FNTB: variants seen among roughly 807,000 people sequenced by gnomAD.
The protein encoded by FNTB is farnesyltransferase, CAAX box, subunit beta.
A neutral mutation model predicts 59.4 loss-of-function variants in FNTB; 27 were observed. The observed-to-expected ratio is 0.45, with a 90% confidence interval of 0.34 to 0.63. The LOEUF (loss-of-function observed/expected upper bound fraction) is 0.63. FNTB is among the 20% of genes least tolerant of loss of function. The pLI is 0.02. For synonymous variants in FNTB, 230 were observed against 220.7 expected, an observed-to-expected ratio of 1.04 and a Z score of -0.37; for missense variants, 449 against 559.6, an observed-to-expected ratio of 0.80 and a Z score of 1.99.
intron 11 of FNTB, among the ~76,000 whole-genome samples, chr14:65,055,539 CAA>C (rs1192148030): frequency 6.6e-6 from 1 of 151,114 alleles, no homozygotes; most frequent in East Asian, 1.9e-4. Flanking sequence ...TTTTGTGAGA[CAA>C]AGTCTCACTC....
rs1349608495 is a variant in FNTB, at chr14:65,032,965, T to C, written c.692+269T>C. Among the ~76,000 whole-genome samples the C allele has an allele frequency of 2.0e-5, 3 of 152,232 alleles. No individual in the cohort carries two copies. The highest frequency in any genetic ancestry group is 4.4e-5 in the Non-Finnish European group (3 of 68,040). On this transcript the variant is annotated intron_variant, in intron 7 of 11. Coordinates refer to ENST00000246166, the MANE Select transcript of FNTB (RefSeq NM_002028.4). The surrounding 1 kb of genome is among the most constrained non-coding windows in gnomAD (Gnocchi z 5.0). ...AGCCTGAATTGATTTAACCAGTTTT[T>C]AGAGCAATTTGACAGTATGTCAAAG...
intron 2 of FNTB, among the ~76,000 whole-genome samples, chr14:65,010,673 A>T (rs2061668617): frequency 6.6e-6 from 1 of 152,114 alleles, no homozygotes; most frequent in Non-Finnish European, 1.5e-5. Context: ...CTCATCTCAA[A>T]AACCTTCAGG....
At position 64,994,853 on chromosome 14, in the gene FNTB, A is replaced by G. The variant is rs1735323589; in HGVS notation, c.144+7756A>G. 6.6e-6 allele frequency among the ~76,000 whole-genome samples: 1 copy of G among 152,198 alleles called. No homozygotes were observed. Among genetic ancestry groups the G allele is most frequent in the Non-Finnish European group, 1.5e-5 (1 of 68,050 alleles). ...AAACACGGTATGCTTAAGCTACACT[A>G]AATTTATTCATACGCTTTTTTCTTT... On this transcript the variant is annotated intron_variant, in intron 1 of 11. Transcript: ENST00000246166. This position sits in a 1 kb window ranked among gnomAD's most constrained non-coding sequence, Gnocchi z 4.2.
intron 4 of FNTB, among the ~76,000 whole-genome samples, chr14:65,026,232 A>G (rs891434573): frequency 2.6e-5 from 4 of 152,230 alleles, no homozygotes; most frequent in Non-Finnish European, 5.9e-5. Flanking sequence ...AAACAGCTTG[A>G]TAACCAGGGC....
At chr14:65,006,524 C>A (rs886546221) in intron 2 of FNTB, among the ~76,000 whole-genome samples, 1 of 152,154 alleles carries the variant, frequency 6.6e-6, no homozygotes. Flanking sequence ...CAAGCTGGTT[C>A]AAGCTTAGCC....
chr14:64,995,705 A>G (rs1033162042), intron 1 of FNTB, among the ~76,000 whole-genome samples: 4 of 150,168 alleles, frequency 2.7e-5, no homozygotes, highest in Non-Finnish European at 5.9e-5. Flanking sequence ...ATATATGTGT[A>G]TATTATATAT....
Position 65,012,248 on chromosome 14 carries a change from G to A in FNTB, c.210-69G>A, listed in dbSNP as rs117536414. 3.5e-3 allele frequency: 5,572 copies of A among 1,577,288 alleles called. 95 individuals are homozygous for A. In the East Asian group the frequency reaches 0.045, roughly 13 times the overall value. On this transcript the variant is annotated intron_variant, in intron 2 of 11. Coordinates refer to ENST00000246166, the MANE Select transcript of FNTB (RefSeq NM_002028.4). The surrounding 1 kb of genome is among the most constrained non-coding windows in gnomAD (Gnocchi z 5.0). The stretch of plus-strand genomic sequence containing the variant: ...TGAGTGTTTACCCGTGTGTGTGTAC[G>A]TGCACATACGTGTGTATGGTGGAAG...
In FNTB at chr14:65,012,078, T is replaced by G. The variant is rs962506778; in HGVS notation, c.210-239T>G. 2.1e-6 allele frequency: 1 copy of G among 471,302 alleles called. No homozygotes were observed. The highest frequency in any genetic ancestry group is 2.0e-5 in the African/African-American group (1 of 50,762). 29.2% of individuals were successfully genotyped at this position (471,302 alleles called of 1,614,324 possible). On this transcript the variant is annotated intron_variant, in intron 2 of 11. Coordinates refer to ENST00000246166, the MANE Select transcript of FNTB (RefSeq NM_002028.4). The surrounding 1 kb of genome is among the most constrained non-coding windows in gnomAD (Gnocchi z 5.0). ...CAAAGTCACTGCCTTTAGGAGACAA[T>G]CGCACTCTAAATGTCAGCTGGCATG... is the stretch of plus-strand genomic sequence containing the variant.
At chr14:65,041,216 G>C (rs915523439) in intron 8 of FNTB, among the ~76,000 whole-genome samples, 1 of 152,198 alleles carries the variant, frequency 6.6e-6, no homozygotes, top group Non-Finnish European at 1.5e-5. Context: ...AGAGGTTATC[G>C]TGTGTTATAG....
chr14:64,995,308 A>C (rs899115691), intron 1 of FNTB, among the ~76,000 whole-genome samples: 1 of 152,234 alleles, frequency 6.6e-6, no homozygotes, highest in Non-Finnish European at 1.5e-5. Flanking sequence ...TTAAATAAGT[A>C]GAGTTACACT....
At chr14:65,018,780 A>G (rs2061827533) in intron 4 of FNTB, among the ~76,000 whole-genome samples, 1 of 145,384 alleles carries the variant, frequency 6.9e-6, no homozygotes, top group Non-Finnish European at 1.5e-5. Context: ...ACTCTACTCC[A>G]GCCTGGAGGA....
chr14:65,011,761 C>G lies in FNTB; in HGVS notation c.210-556C>G, dbSNP rs994636539. On this transcript the variant is annotated intron_variant, in intron 2 of 11. Transcript: ENST00000246166. This position sits in a 1 kb window ranked among gnomAD's most constrained non-coding sequence, Gnocchi z 4.0. ...AAGGACAGCGACTGGCTGCAGAACACGGTCCTCTGGCCAGGGCTGTGGGTC... is the reference window on the plus strand; with the variant it reads ...AAGGACAGCGACTGGCTGCAGAACAGGGTCCTCTGGCCAGGGCTGTGGGTC... 6.6e-6 allele frequency among the ~76,000 whole-genome samples: 1 copy of G among 152,180 alleles called. No homozygotes were observed. The highest frequency in any genetic ancestry group is 1.5e-5 in the Non-Finnish European group (1 of 68,032).
At chr14:65,049,342 T>C (rs942000077) in intron 9 of FNTB, among the ~76,000 whole-genome samples, 1 of 152,188 alleles carries the variant, frequency 6.6e-6, no homozygotes, top group African/African-American at 2.4e-5. Context: ...CTATCAGTTA[T>C]GGTGTGGAAA....
At chr14:65,052,483 C>G (rs189236744) in intron 9 of FNTB, among the ~76,000 whole-genome samples, 1 of 152,124 alleles carries the variant, frequency 6.6e-6, no homozygotes, top group Non-Finnish European at 1.5e-5. Context: ...TATTTTTAAT[C>G]GATTTCTATG....
At chr14:65,046,735 G>A (rs1159114170) in intron 9 of FNTB, among the ~76,000 whole-genome samples, 1 of 152,094 alleles carries the variant, frequency 6.6e-6, no homozygotes, top group East Asian at 1.9e-4. Context: ...TAGAAAGATA[G>A]TCACAATATA....
chr14:65,051,400 C>A (rs1444579768), intron 9 of FNTB, among the ~76,000 whole-genome samples: 1 of 152,132 alleles, frequency 6.6e-6, no homozygotes, highest in Non-Finnish European at 1.5e-5. Flanking sequence ...CACCTGAGGT[C>A]AGGAGTTAGA....
rs1231279251 is a variant in FNTB, at chr14:65,054,472, G to A, written c.1068-103G>A. The A allele has an allele frequency of 6.8e-6, 8 of 1,172,152 alleles. No individual in the cohort carries two copies. The highest frequency in any genetic ancestry group is 1.4e-5 in the South Asian group (1 of 70,308). 72.6% of individuals were successfully genotyped at this position (1,172,152 alleles called of 1,614,324 possible). A position where few individuals can be genotyped will look rare whatever the true frequency, so the allele number is the denominator to read the frequency against. ...CTCCTCTAGCCACATGGAGGATGGG[G>A]GGGGACGTGTGATTGCACCAGTGGT... On this transcript the variant is annotated intron_variant, in intron 10 of 11. Transcript: ENST00000246166. This position sits in a 1 kb window ranked among gnomAD's most constrained non-coding sequence, Gnocchi z 4.4.
chr14:65,012,350 T>C lies in FNTB; in HGVS notation c.243T>C (p.Tyr81=), dbSNP rs1460218686. ...TGCAGAGGGAGAAGCACTTCCATTA[T>C]CTGAAAAGAGGCCTTCGACAACTGA... is the stretch of plus-strand genomic sequence containing the variant. ...LVLQREKHFH[Y]LKRGLRQLTD... Residue 81 remains tyrosine (Y), a synonymous_variant, in exon 3 of 12, where the codon TAT becomes TAC. Coordinates refer to ENST00000246166, the MANE Select transcript of FNTB (RefSeq NM_002028.4). The surrounding 1 kb of genome is among the most constrained non-coding windows in gnomAD (Gnocchi z 5.0). 3 of 1,614,198 alleles carry C rather than the reference T, an allele frequency of 1.9e-6. No individual in the cohort carries two copies. The highest frequency in any genetic ancestry group is 2.5e-6 in the Non-Finnish European group (3 of 1,180,018).
rs1888424233 is a variant in FNTB, at chr14:64,997,037, A to G, written c.145-7212A>G. ...TTTTCATTTCACAGTAAAAAAAAAA[A>G]TAGAAACAGAGTCTTGCTTGATCAG... On this transcript the variant is annotated intron_variant, in intron 1 of 11. Transcript: ENST00000246166. This position sits in a 1 kb window ranked among gnomAD's most constrained non-coding sequence, Gnocchi z 4.5. Among the ~76,000 whole-genome samples the G allele has an allele frequency of 6.6e-6, 1 of 152,106 alleles. No homozygotes were observed. The highest frequency in any genetic ancestry group is 6.5e-5 in the Admixed American group (1 of 15,276).
Sources: allele counts gnomAD v4.1 joint callset (sites outside exome capture counted in the v4.1 genomes callset), GRCh38; gene constraint gnomAD v4.1.1; non-coding constraint Gnocchi (gnomAD v3.1); transcripts MANE v1.5; gene names NCBI Gene and HGNC (gene_info 2026-07-23, HGNC 2026-07-21).